The following CSMD1 variants were observed in gnomAD, a reference collection of about 807,000 sequenced individuals.
The protein encoded by CSMD1 is CUB and Sushi multiple domains 1.
Under a neutral mutation model 417.5 loss-of-function variants are expected in CSMD1, and 213 were observed. That is an observed-to-expected ratio of 0.51 (90% CI 0.46 to 0.57). The LOEUF (loss-of-function observed/expected upper bound fraction) is 0.57. CSMD1 is among the 20% of genes least tolerant of loss of function. The probability of loss-of-function intolerance (pLI) is 0.00; values close to 1 mark genes in which losing one functional copy is unlikely to be tolerated. For synonymous variants in CSMD1, 2,862 were observed against 1,736.8 expected (o/e 1.65, Z -16.11); for missense variants, 6,923 against 4,529.7 (o/e 1.53, Z -15.17).
intron 5 of CSMD1, among the ~76,000 whole-genome samples, chr8:3,967,871 G>A (rs768290798): frequency 1.3e-5 from 2 of 151,958 alleles, no homozygotes; most frequent in Non-Finnish European, 2.9e-5. Context: ...GCTCGCTTAA[G>A]AATGTGCCAC....
intron 26 of CSMD1, among the ~76,000 whole-genome samples, chr8:3,263,362 G>A (rs957681151): frequency 6.6e-6 from 1 of 152,214 alleles, no homozygotes; most frequent in Non-Finnish European, 1.5e-5. Flanking sequence ...ACCTGCCAAA[G>A]TGCTGGAATT....
At chr8:3,074,181 C>T (rs931095465) in intron 49 of CSMD1, among the ~76,000 whole-genome samples, 3 of 152,198 alleles carry the variant, frequency 2.0e-5, no homozygotes, top group African/African-American at 7.2e-5. Context: ...CCCTGTGTTC[C>T]ATGTTCTGTG....
At chr8:4,671,419 A>T (rs1805316660) in intron 1 of CSMD1, among the ~76,000 whole-genome samples, 1 of 152,350 alleles carries the variant, frequency 6.6e-6, no homozygotes, top group East Asian at 1.9e-4. Context: ...CATGAGGAGA[A>T]AAATTAACAT....
intron 15 of CSMD1, among the ~76,000 whole-genome samples, chr8:3,405,176 A>G (rs561429616): frequency 2.1e-4 from 32 of 152,300 alleles, no homozygotes; most frequent in African/African-American, 7.7e-4. Context: ...GACAAAAATG[A>G]TATTTTACTT....
At chr8:4,069,301 C>A (rs1799422750) in intron 3 of CSMD1, among the ~76,000 whole-genome samples, 1 of 152,046 alleles carries the variant, frequency 6.6e-6, no homozygotes, top group African/African-American at 2.4e-5. Context: ...ATTTTTTGAC[C>A]ATTTTTAAAA....
chr8:4,908,349 A>G (rs965800081), intron 1 of CSMD1, among the ~76,000 whole-genome samples: 15 of 152,060 alleles, frequency 9.9e-5, no homozygotes, highest in African/African-American at 3.6e-4. Context: ...TTTGGGATTT[A>G]TAATTCTTGA....
chr8:3,511,886 G>A (rs530405914), intron 10 of CSMD1, among the ~76,000 whole-genome samples: 11 of 141,494 alleles, frequency 7.8e-5, no homozygotes, highest in African/African-American at 1.9e-4. Context: ...CAGAATTTGC[G>A]TTTTTGTTAG....
At chr8:3,678,948 G>A (rs566635261) in intron 7 of CSMD1, among the ~76,000 whole-genome samples, 2 of 151,876 alleles carry the variant, frequency 1.3e-5, no homozygotes, top group East Asian at 1.9e-4. Context: ...AGCTTCATAA[G>A]TGAAGAAATA....
intron 15 of CSMD1, among the ~76,000 whole-genome samples, chr8:3,404,030 G>A (rs1188292461): frequency 6.6e-6 from 1 of 152,116 alleles, no homozygotes; most frequent in African/African-American, 2.4e-5. Context: ...GTATGAAAAG[G>A]GTGAACATCA....
At chr8:4,201,324 G>T (rs182798663) in intron 3 of CSMD1, among the ~76,000 whole-genome samples, 1 of 152,012 alleles carries the variant, frequency 6.6e-6, no homozygotes, top group Admixed American at 6.6e-5. Context: ...GGATCACGAG[G>T]TCAGGAGATC....
At position 4,202,702 on chromosome 8, in the gene CSMD1, C is replaced by G. The variant is rs777729866; in HGVS notation, c.416-170603G>C. Among the ~76,000 whole-genome samples, 59 of 152,140 alleles carry G rather than the reference C, an allele frequency of 3.9e-4. 1 individual carries two copies. Among genetic ancestry groups the G allele is most frequent in the Non-Finnish European group, 1.3e-4 (9 of 68,036 alleles). The stretch of plus-strand genomic sequence containing the variant: ...TTTCAGTGAAAGAGGGAGAACCACA[C>G]TAATCAAACAAGTACTCAAATATTT... On this transcript the variant is annotated intron_variant, in intron 3 of 69. Transcript: ENST00000635120.
intron 1 of CSMD1, among the ~76,000 whole-genome samples, chr8:4,865,956 A>C (rs1469631998): frequency 6.6e-6 from 1 of 151,484 alleles, no homozygotes; most frequent in Non-Finnish European, 1.5e-5. Flanking sequence ...ATTTTTTAAA[A>C]ATATATTTAC....
At chr8:4,243,376 C>T (rs1802514714) in intron 3 of CSMD1, among the ~76,000 whole-genome samples, 1 of 152,172 alleles carries the variant, frequency 6.6e-6, no homozygotes, top group Non-Finnish European at 1.5e-5. Flanking sequence ...GCCCAAAAAA[C>T]AGCTTGACTT....
At chr8:4,955,689 C>T (rs111681851) in intron 1 of CSMD1, among the ~76,000 whole-genome samples, 8,487 of 148,864 alleles carry the variant, frequency 0.057, 280 homozygotes, top group African/African-American at 0.086. Context: ...CTCCTGACCT[C>T]AGGTGATCCA....
intron 7 of CSMD1, among the ~76,000 whole-genome samples, chr8:3,632,942 A>G (rs138228348): frequency 4.7e-4 from 72 of 152,366 alleles, no homozygotes; most frequent in African/African-American, 1.6e-3. Context: ...TGATCATTTC[A>G]GAAGTATAAA....
intron 5 of CSMD1, among the ~76,000 whole-genome samples, chr8:3,952,043 G>C (rs540436786): frequency 2.6e-5 from 4 of 152,144 alleles, no homozygotes; most frequent in South Asian, 2.1e-4. Context: ...TACTGACCTA[G>C]GTAAATAATT....
intron 3 of CSMD1, among the ~76,000 whole-genome samples, chr8:4,177,579 C>A (rs1028819338): frequency 1.3e-5 from 2 of 151,532 alleles, no homozygotes; most frequent in African/African-American, 4.9e-5. Context: ...TAACTAAAAT[C>A]AGAGCAGAAC....
intron 3 of CSMD1, among the ~76,000 whole-genome samples, chr8:4,186,473 A>C (rs940302865): frequency 2.6e-5 from 4 of 152,166 alleles, no homozygotes; most frequent in African/African-American, 7.2e-5. Context: ...GATGCTAATA[A>C]GGAAAATAAA....
At chr8:3,170,444 G>A (rs557614394) in intron 37 of CSMD1, among the ~76,000 whole-genome samples, 1 of 152,234 alleles carries the variant, frequency 6.6e-6, no homozygotes, top group South Asian at 2.1e-4. Flanking sequence ...TCCTGACCTT[G>A]TCATCCGCCC....
Sources: allele counts gnomAD v4.1 joint callset (sites outside exome capture counted in the v4.1 genomes callset), GRCh38; gene constraint gnomAD v4.1.1; transcripts MANE v1.5; gene names NCBI Gene and HGNC (gene_info 2026-07-23, HGNC 2026-07-21).